ARHGAP25: variants seen among roughly 807,000 people sequenced by gnomAD.
ARHGAP25 encodes rho GTPase-activating protein 25.
Under a neutral mutation model 71.0 loss-of-function variants are expected in ARHGAP25, and 34 were observed. That is an observed-to-expected ratio of 0.48 (90% confidence interval 0.36 to 0.64). The LOEUF (loss-of-function observed/expected upper bound fraction) is 0.64, where lower values mean the gene tolerates loss of function less well. ARHGAP25 is among the 30% of genes least tolerant of loss of function. The probability of loss-of-function intolerance (pLI) is 0.00; values close to 1 mark genes in which losing one functional copy is unlikely to be tolerated. For synonymous variants in ARHGAP25, 282 were observed against 296.5 expected, an observed-to-expected ratio of 0.95 and a Z score of 0.50; for missense variants, 706 against 805.1, an observed-to-expected ratio of 0.88 and a Z score of 1.49.
chr2:68,754,029 A>G (rs1361113269), intron 1 of ARHGAP25, among the ~76,000 whole-genome samples: 3 of 151,952 alleles, frequency 2.0e-5, no homozygotes, highest in Non-Finnish European at 4.4e-5. Flanking sequence ...CAGCCTCCCA[A>G]GCAGCTGGGA....
intron 5 of ARHGAP25, among the ~76,000 whole-genome samples, chr2:68,812,811 T>C (rs4854521): frequency 0.94 from 142,874 of 152,230 alleles, 67,077 homozygotes; most frequent in East Asian, 0.99. Flanking sequence ...TAGGTTTTCT[T>C]GATGCTTATT....
At chr2:68,719,377 C>T (rs939744177) in intron 2 of ARHGAP25, among the ~76,000 whole-genome samples, 10 of 145,456 alleles carry the variant, frequency 6.9e-5, no homozygotes, top group Admixed American at 2.1e-4. Context: ...GTGTCAGAAC[C>T]GAATTGAATT....
At chr2:68,741,023 G>A (rs982573423) in intron 1 of ARHGAP25, among the ~76,000 whole-genome samples, 1 of 152,222 alleles carries the variant, frequency 6.6e-6, no homozygotes, top group South Asian at 2.1e-4. Flanking sequence ...CATATGCTGA[G>A]AGGAAGAAAA....
At chr2:68,729,696 A>C (rs1674967494) in intron 2 of ARHGAP25, among the ~76,000 whole-genome samples, 1 of 152,248 alleles carries the variant, frequency 6.6e-6, no homozygotes, top group African/African-American at 2.4e-5. Flanking sequence ...TGGAAACATA[A>C]ACCGTAGAAC....
At chr2:68,733,291 G>C (rs1675075295), upstream of ARHGAP25, among the ~76,000 whole-genome samples, 1 of 152,206 alleles carries the variant, frequency 6.6e-6, no homozygotes, top group Non-Finnish European at 1.5e-5. Context: ...TGACCTGTGA[G>C]TTTAGTGACA....
At chr2:68,746,711 C>CT (rs1361621146) in intron 1 of ARHGAP25, among the ~76,000 whole-genome samples, 2 of 143,848 alleles carry the variant, frequency 1.4e-5, no homozygotes, top group African/African-American at 5.2e-5. Flanking sequence ...CCACCCCCCT[C>CT]CCCATCCCCA....
chr2:68,807,025 T>C (rs12992898), intron 4 of ARHGAP25, among the ~76,000 whole-genome samples: 77,736 of 152,006 alleles, frequency 0.51, 20,562 homozygotes, highest in South Asian at 0.7. Flanking sequence ...AAGAATTCAG[T>C]AAAAGCCAAC....
chr2:68,797,470 A>G (rs1400140449), intron 4 of ARHGAP25, among the ~76,000 whole-genome samples: 1 of 152,184 alleles, frequency 6.6e-6, no homozygotes, highest in Non-Finnish European at 1.5e-5. Flanking sequence ...GTCCTAGGCC[A>G]TAGGAGATGC....
In ARHGAP25 at chr2:68,775,088, G is replaced by C. The variant is rs1014776394; in HGVS notation, c.62-133G>C. Reference sequence around the variant, plus strand: ...GGGGACTTTCTCTGGCTCAGATCCGGACCCCTGAACTGGACCTGGTTGTCG... The same window carrying C: ...GGGGACTTTCTCTGGCTCAGATCCGCACCCCTGAACTGGACCTGGTTGTCG... On this transcript the variant is annotated intron_variant, in intron 1 of 10. Transcript: ENST00000409202. 1.9e-5 allele frequency: 29 copies of C among 1,566,032 alleles called. No individual in the cohort carries two copies. The African/African-American group carries it at 3.4e-4, about 18-fold the overall frequency.
intron 2 of ARHGAP25, among the ~76,000 whole-genome samples, chr2:68,719,540 C>CA (rs1674702331): frequency 6.7e-6 from 1 of 149,086 alleles, no homozygotes; most frequent in Non-Finnish European, 1.5e-5. Flanking sequence ...AAAAAAATAA[C>CA]TTTTTTTTTT....
At position 68,792,630 on chromosome 2, in the gene ARHGAP25, T is replaced by G. The variant is rs535149161; in HGVS notation, c.466+4674T>G. 2.0e-5 allele frequency among the ~76,000 whole-genome samples: 3 copies of G among 152,380 alleles called. No homozygotes were observed. The South Asian group carries it at 6.2e-4, about 32-fold the overall frequency. The stretch of plus-strand genomic sequence containing the variant: ...TACTATTCTTTGGCTGAACAGTAAG[T>G]ATACCATTGTGTATTTATACCATAT... On this transcript the variant is annotated intron_variant, in intron 4 of 10. Coordinates refer to ENST00000409202, the MANE Select transcript of ARHGAP25 (RefSeq NM_001007231.3).
intron 4 of ARHGAP25, among the ~76,000 whole-genome samples, chr2:68,803,397 A>T (rs1680149496): frequency 1.3e-5 from 2 of 152,232 alleles, no homozygotes; most frequent in South Asian, 4.1e-4. Context: ...GAAGAAGTGC[A>T]GGCTAATGAA....
chr2:68,712,917 T>C (rs1674521454), intron 2 of ARHGAP25, among the ~76,000 whole-genome samples: 1 of 152,212 alleles, frequency 6.6e-6, no homozygotes. Flanking sequence ...TGTAGCCTTG[T>C]AGTATAGTTT....
chr2:68,816,150 A>G, intron 6 of ARHGAP25, 139 bp from the exon 7 acceptor site: 2 of 757,740 alleles, frequency 2.6e-6, no homozygotes, highest in Admixed American at 3.9e-5. Context: ...TTTTAAACCC[A>G]CAGAACTACA....
At chr2:68,743,176 T>C (rs528885171) in intron 1 of ARHGAP25, among the ~76,000 whole-genome samples, 3 of 152,330 alleles carry the variant, frequency 2.0e-5, no homozygotes, top group Non-Finnish European at 2.9e-5. Flanking sequence ...TTGTTTGCTG[T>C]GTGGAAGACC....
chr2:68,765,249 A>C (rs1677056236), intron 1 of ARHGAP25, among the ~76,000 whole-genome samples: 3 of 152,122 alleles, frequency 2.0e-5, no homozygotes, highest in African/African-American at 7.2e-5. Flanking sequence ...TGTGTACGTA[A>C]GTGGTATAAC....
chr2:68,723,698 C>T (rs1185148298), intron 2 of ARHGAP25, among the ~76,000 whole-genome samples: 2 of 152,114 alleles, frequency 1.3e-5, no homozygotes, highest in African/African-American at 2.4e-5. Context: ...GGTGTTTTCT[C>T]TAGCAGAGTA....
chr2:68,790,713 C>G (rs1200973417), intron 4 of ARHGAP25, among the ~76,000 whole-genome samples: 1 of 152,176 alleles, frequency 6.6e-6, no homozygotes, highest in Non-Finnish European at 1.5e-5. Context: ...CAGCACTAAC[C>G]TTGAAACTCA....
At chr2:68,741,635 G>T (rs111600627) in intron 1 of ARHGAP25, among the ~76,000 whole-genome samples, 3,582 of 152,160 alleles carry the variant, frequency 0.024, 146 homozygotes, top group African/African-American at 0.081. Context: ...CGAACTCCTG[G>T]GCCCAAGCAG....
Sources: allele counts gnomAD v4.1 joint callset (sites outside exome capture counted in the v4.1 genomes callset), GRCh38; gene constraint gnomAD v4.1.1; transcripts MANE v1.5; gene names NCBI Gene and HGNC (gene_info 2026-07-23, HGNC 2026-07-21).